Variants in RIMKLB observed in about 807,000 individuals in gnomAD.
RIMKLB encodes the protein beta-citrylglutamate synthase B.
A neutral mutation model predicts 32.0 loss-of-function variants in RIMKLB; 7 were observed. That is an observed-to-expected ratio of 0.22 (90% CI 0.12 to 0.41). RIMKLB has a LOEUF of 0.41. Among genes scored for constraint, RIMKLB ranks in the 10% least tolerant of loss-of-function variants. RIMKLB has a pLI of 1.00. For missense variants in RIMKLB, 289 were observed against 498.7 expected (o/e 0.58, Z 4.00); for synonymous variants, 172 against 185.1 (o/e 0.93, Z 0.57).
At chr12:8,736,657 GTT>G (rs1039831308) in intron 2 of RIMKLB, among the ~76,000 whole-genome samples, 20 of 150,576 alleles carry the variant, frequency 1.3e-4, no homozygotes, top group African/African-American at 4.9e-4. Flanking sequence ...ATTTTTGTTT[GTT>G]TTTTGTGGAG....
At chr12:8,768,871 G>C (rs1950181841) in intron 5 of RIMKLB, among the ~76,000 whole-genome samples, 1 of 152,074 alleles carries the variant, frequency 6.6e-6, no homozygotes, top group Non-Finnish European at 1.5e-5. Context: ...TCTCTGCTTT[G>C]TATGTGATTC....
chr12:8,698,210 A>T lies in RIMKLB; in HGVS notation c.-144A>T, dbSNP rs1258060178. The T allele has an allele frequency of 3.1e-5, 11 of 350,862 alleles. No homozygotes were observed. The highest frequency in any genetic ancestry group is 2.1e-4 in the South Asian group (11 of 53,588). 21.7% of individuals were successfully genotyped at this position (350,862 alleles called of 1,614,324 possible). On this transcript the variant is annotated 5_prime_UTR_variant, in exon 1 of 6. Coordinates refer to ENST00000535829, the MANE Select transcript of RIMKLB (RefSeq NM_001297776.2). Reference sequence around the variant, plus strand: ...CCCCTCCCCCTCCTCTCCTTCCCCCACTTCCAGCCGCCCGGCGGCCCGCGC... The same window carrying T: ...CCCCTCCCCCTCCTCTCCTTCCCCCTCTTCCAGCCGCCCGGCGGCCCGCGC...
At chr12:8,674,640 C>G in the RIMKLB span, among the ~76,000 whole-genome samples, 2 of 151,932 alleles carry the variant, frequency 1.3e-5, no homozygotes, top group Non-Finnish European at 2.9e-5. Flanking sequence ...ACCTCTGCCT[C>G]TCACATTCAA....
Position 8,770,065 on chromosome 12 carries a change from C to A in RIMKLB, c.698-3256C>A, listed in dbSNP as rs538983863. Among the ~76,000 whole-genome samples, 165 of 152,050 alleles carry A rather than the reference C, an allele frequency of 1.1e-3. 1 individual carries two copies. The highest frequency in any genetic ancestry group is 1.7e-3 in the Non-Finnish European group (118 of 67,988). On this transcript the variant is annotated intron_variant, in intron 5 of 5. Transcript: ENST00000535829. ...TCAGCTCACTGCAACCCCCGCTTCC[C>A]GGGTTAAAGTGATTCTCCTATCTTG...
At chr12:8,695,506 CACAT>C (rs1044809219), upstream of RIMKLB, among the ~76,000 whole-genome samples, 34 of 152,122 alleles carry the variant, frequency 2.2e-4, no homozygotes, top group Middle Eastern at 3.4e-3. Context: ...GATCATTACT[CACAT>C]AAACATTATC....
rs376300687 is a variant in RIMKLB at position 8,710,104 on chromosome 12, C to T, written c.-56-3707C>T. 1.2e-4 allele frequency among the ~76,000 whole-genome samples: 18 copies of T among 151,804 alleles called. No individual in the cohort carries two copies. The East Asian group carries it at 2.3e-3, about 20-fold the overall frequency. Reference sequence around the variant, plus strand: ...CAGATTCAAGTGATTCTCCTGCCTCCGCCACCTGAGTAGCTGGGTTTACAA... The same window carrying T: ...CAGATTCAAGTGATTCTCCTGCCTCTGCCACCTGAGTAGCTGGGTTTACAA... On this transcript the variant is annotated intron_variant, in intron 1 of 5. Coordinates refer to ENST00000535829, the MANE Select transcript of RIMKLB (RefSeq NM_001297776.2).
At chr12:8,691,119 T>C (rs145790344) in intron 1 of RIMKLB, among the ~76,000 whole-genome samples, 1 of 152,260 alleles carries the variant, frequency 6.6e-6, no homozygotes, top group African/African-American at 2.4e-5. Flanking sequence ...CTAAGTTGTC[T>C]GTCCCAGTTA....
intron 1 of RIMKLB, among the ~76,000 whole-genome samples, chr12:8,689,583 C>T (rs886854073): frequency 2.0e-5 from 3 of 152,184 alleles, no homozygotes; most frequent in African/African-American, 7.2e-5. Flanking sequence ...CCATCTGCCT[C>T]TCTTTGTTAT....
At chr12:8,746,625 T>A (rs1948120262) in intron 2 of RIMKLB, among the ~76,000 whole-genome samples, 2 of 150,674 alleles carry the variant, frequency 1.3e-5, no homozygotes, top group East Asian at 3.9e-4. Context: ...AAGAAAAAGA[T>A]ATCAAGATGC....
At chr12:8,744,959 T>G (rs759007167) in intron 2 of RIMKLB, among the ~76,000 whole-genome samples, 1 of 152,112 alleles carries the variant, frequency 6.6e-6, no homozygotes, top group Admixed American at 6.5e-5. Flanking sequence ...ACTGGTCATT[T>G]ACATTAGGTG....
chr12:8,753,577 T>C (rs952231574), intron 4 of RIMKLB, among the ~76,000 whole-genome samples: 1 of 152,180 alleles, frequency 6.6e-6, no homozygotes, highest in East Asian at 1.9e-4. Context: ...TAAAAAGATT[T>C]GCTAGTGAAT....
In RIMKLB at chr12:8,776,953, G is replaced by A; in HGVS notation, c.*3169G>A. The stretch of plus-strand genomic sequence containing the variant: ...CCCAGTTTGGGGCTTGTGGGGCTTA[G>A]AGACATTGTGAAATCAAATCTTGTG... On this transcript the variant is annotated 3_prime_UTR_variant, in exon 6 of 6. Coordinates refer to ENST00000535829, the MANE Select transcript of RIMKLB (RefSeq NM_001297776.2). 1 of 985,824 alleles carries A rather than the reference G, an allele frequency of 1.0e-6. No homozygotes were observed. Among genetic ancestry groups the A allele is most frequent in the Non-Finnish European group, 1.2e-6 (1 of 829,910 alleles). 61.1% of individuals were successfully genotyped at this position (985,824 alleles called of 1,614,324 possible). A position where few individuals can be genotyped will look rare whatever the true frequency, so the allele number is the denominator to read the frequency against.
At position 8,775,466 on chromosome 12, in the gene RIMKLB, G is replaced by C; in HGVS notation, c.*1682G>C. 1.0e-6 allele frequency: 1 copy of C among 985,716 alleles called. No individual in the cohort carries two copies. The highest frequency in any genetic ancestry group is 1.7e-5 in the African/African-American group (1 of 57,346). The allele number at this position is 985,716 out of a possible 1,614,324, so 61.1% of individuals were successfully genotyped here. A position where few individuals can be genotyped will look rare whatever the true frequency, so the allele number is the denominator to read the frequency against. On this transcript the variant is annotated 3_prime_UTR_variant, in exon 6 of 6. Coordinates refer to ENST00000535829, the MANE Select transcript of RIMKLB (RefSeq NM_001297776.2). ...CCCAACGTAATTTTTTAAACAGCAAGTTTTCCATCTCCCTACGAATCCTCT... is the reference window on the plus strand; with the variant it reads ...CCCAACGTAATTTTTTAAACAGCAACTTTTCCATCTCCCTACGAATCCTCT...
intron 2 of RIMKLB, among the ~76,000 whole-genome samples, chr12:8,747,415 G>A (rs1007788203): frequency 6.6e-6 from 1 of 151,474 alleles, no homozygotes; most frequent in Non-Finnish European, 1.5e-5. Flanking sequence ...ACACACCCCC[G>A]GCTCATGGTT....
chr12:8,745,588 T>A (rs1948008948), intron 2 of RIMKLB, among the ~76,000 whole-genome samples: 2 of 151,464 alleles, frequency 1.3e-5, no homozygotes, highest in Non-Finnish European at 2.9e-5. Flanking sequence ...AAGATGGGGT[T>A]TCTCCATGTT....
intron 2 of RIMKLB, among the ~76,000 whole-genome samples, chr12:8,733,680 C>T (rs1295861036): frequency 1.3e-5 from 2 of 152,112 alleles, no homozygotes; most frequent in South Asian, 4.1e-4. Flanking sequence ...CAAGACCAGC[C>T]TGGGCAACAT....
chr12:8,696,608 CAG>C (rs1363647292), upstream of RIMKLB, among the ~76,000 whole-genome samples: 8 of 152,166 alleles, frequency 5.3e-5, no homozygotes, highest in African/African-American at 1.9e-4. Context: ...GATAAAGATA[CAG>C]AGAGGTTAAG....
At chr12:8,676,112 A>G in the RIMKLB span, among the ~76,000 whole-genome samples, 1,069 of 152,082 alleles carry the variant, frequency 7.0e-3, 8 homozygotes, top group African/African-American at 0.023. Context: ...TCACTTTGTC[A>G]CCCAGGCTGG....
chr12:8,752,529 T>G (rs11047068), intron 4 of RIMKLB, among the ~76,000 whole-genome samples: 10,829 of 151,974 alleles, frequency 0.071, 1,255 homozygotes, highest in African/African-American at 0.24. Flanking sequence ...TCCAACCTGG[T>G]CGATAGAGCC....
Sources: allele counts gnomAD v4.1 joint callset (sites outside exome capture counted in the v4.1 genomes callset), GRCh38; gene constraint gnomAD v4.1.1; transcripts MANE v1.5; gene names NCBI Gene and HGNC (gene_info 2026-07-23, HGNC 2026-07-21).